KCNJ1: variants seen among roughly 807,000 people sequenced by gnomAD.
The protein encoded by KCNJ1 is ATP-sensitive inward rectifier potassium channel 1.
Under a neutral mutation model 21.9 loss-of-function variants are expected in KCNJ1, and 24 were observed. That is an observed-to-expected ratio of 1.10 (90% CI 0.79 to 1.54). KCNJ1 has a LOEUF of 1.54. Among genes scored for constraint, KCNJ1 ranks in the 40% most tolerant of loss-of-function variants. KCNJ1 has a pLI of 0.00. For missense variants in KCNJ1, 457 were observed against 455.4 expected (o/e 1.00, Z -0.03); for synonymous variants, 152 against 160.9 (o/e 0.94, Z 0.42).
intron 1 of KCNJ1, among the ~76,000 whole-genome samples, chr11:128,864,191 A>G (rs1943773025): frequency 6.8e-6 from 1 of 147,704 alleles, no homozygotes; most frequent in African/African-American, 2.5e-5. Context: ...GGTTCAAGCA[A>G]TTCTCATGCC....
chr11:128,855,054 T>A (rs1188905959), intron 1 of KCNJ1, among the ~76,000 whole-genome samples: 2 of 152,208 alleles, frequency 1.3e-5, no homozygotes, highest in African/African-American at 4.8e-5. Flanking sequence ...CTGGGGATTT[T>A]ACAGAGCTAA....
At chr11:128,859,567 T>C (rs1178228676) in intron 1 of KCNJ1, among the ~76,000 whole-genome samples, 1 of 152,214 alleles carries the variant, frequency 6.6e-6, no homozygotes, top group African/African-American at 2.4e-5. Flanking sequence ...GATCTTAACC[T>C]GATGTCTCCA....
intron 1 of KCNJ1, among the ~76,000 whole-genome samples, chr11:128,857,542 C>A (rs1200656117): frequency 6.6e-6 from 1 of 152,254 alleles, no homozygotes; most frequent in African/African-American, 2.4e-5. Context: ...GACCTGTCAG[C>A]TGCATCCCTA....
intron 2 of KCNJ1, among the ~76,000 whole-genome samples, chr11:128,841,536 G>A (rs1335552708): frequency 6.6e-6 from 1 of 152,142 alleles, no homozygotes; most frequent in African/African-American, 2.4e-5. Flanking sequence ...GAATATCAAG[G>A]TGTGCCCACC....
intron 2 of KCNJ1, among the ~76,000 whole-genome samples, chr11:128,850,499 C>T (rs943049274): frequency 6.6e-6 from 1 of 152,208 alleles, no homozygotes; most frequent in Non-Finnish European, 1.5e-5. Flanking sequence ...GTGTAAATGA[C>T]TCAAAGTGCT....
At chr11:128,848,287 C>CAA (rs1002326097) in intron 2 of KCNJ1, among the ~76,000 whole-genome samples, 122 of 48,164 alleles carry the variant, frequency 2.5e-3, no homozygotes, top group African/African-American at 3.0e-3. Context: ...GACTCCGTCT[C>CAA]AAAAAAAAAA....
At chr11:128,861,982 T>A (rs1943717723) in intron 1 of KCNJ1, among the ~76,000 whole-genome samples, 1 of 152,046 alleles carries the variant, frequency 6.6e-6, no homozygotes, top group Non-Finnish European at 1.5e-5. Flanking sequence ...GGCTGCCTAT[T>A]CCCAGCTTCA....
intron 1 of KCNJ1, among the ~76,000 whole-genome samples, chr11:128,858,018 T>G (rs1162624382): frequency 1.3e-5 from 2 of 151,870 alleles, no homozygotes; most frequent in Non-Finnish European, 2.9e-5. Context: ...CTAAACCCTG[T>G]GCAAGAGCTT....
At chr11:128,852,129 TTA>T (rs1310920265) in intron 1 of KCNJ1, among the ~76,000 whole-genome samples, 4 of 152,234 alleles carry the variant, frequency 2.6e-5, no homozygotes, top group African/African-American at 7.2e-5. Context: ...ATGGGGGCTT[TTA>T]TATCTATCTT....
intron 2 of KCNJ1, 118 bp downstream of exon 2, chr11:128,850,603 G>A (rs61910636): frequency 2.4e-5 from 7 of 293,738 alleles, no homozygotes; most frequent in Non-Finnish European, 3.5e-5. Context: ...AACCTGCAAG[G>A]GCAAATGACT....
chr11:128,853,937 T>G (rs1356473052), intron 1 of KCNJ1, among the ~76,000 whole-genome samples: 1 of 152,230 alleles, frequency 6.6e-6, no homozygotes, highest in East Asian at 1.9e-4. Flanking sequence ...TCTGCTAGTG[T>G]GGGAGATGTC....
At position 128,839,377 on chromosome 11, in the gene KCNJ1, G is replaced by T. The variant is rs746509804; in HGVS notation, c.867C>A (p.Cys289Ter). 45 of 1,614,042 alleles carry T rather than the reference G, an allele frequency of 2.8e-5. No individual in the cohort carries two copies. The Admixed American group carries it at 5.7e-4, about 20-fold the overall frequency. The change falls in exon 3 of 3, where the codon TGC (cysteine) becomes TGA (stop). Residue 289 changes from cysteine (C) to a stop codon, truncating the protein, a stop_gained. Transcript: ENST00000392666. LOFTEE classifies it high-confidence loss of function. ...CTGGGACATAGGATGTCCGGACTTG[G>T]CAGGTAGCACTGGTGGACTCCACTG... is the stretch of plus-strand genomic sequence containing the variant. ...DGTVESTSAT[C>*]QVRTSYVPEE...
intron 1 of KCNJ1, among the ~76,000 whole-genome samples, chr11:128,857,789 C>T (rs1045712733): frequency 3.9e-4 from 60 of 152,176 alleles, no homozygotes; most frequent in Admixed American, 1.9e-3. Context: ...CAGGATGCAC[C>T]TGGGAGCATT....
chr11:128,860,752 C>T (rs1943691192), intron 1 of KCNJ1, among the ~76,000 whole-genome samples: 1 of 152,144 alleles, frequency 6.6e-6, no homozygotes, highest in Non-Finnish European at 1.5e-5. Context: ...AAAGTGGAGG[C>T]CAGGTGGCTC....
At chr11:128,846,024 G>C (rs1195451850) in intron 2 of KCNJ1, among the ~76,000 whole-genome samples, 1 of 152,216 alleles carries the variant, frequency 6.6e-6, no homozygotes, top group Non-Finnish European at 1.5e-5. Context: ...CAGCCATCCA[G>C]AGTATCACTT....
At chr11:128,841,440 A>T (rs1565523373) in intron 2 of KCNJ1, among the ~76,000 whole-genome samples, 1 of 152,168 alleles carries the variant, frequency 6.6e-6, no homozygotes, top group Admixed American at 6.5e-5. Flanking sequence ...TGTACAGCAA[A>T]ATGGTGAAGG....
chr11:128,854,020 C>T (rs1943530625), intron 1 of KCNJ1, among the ~76,000 whole-genome samples: 1 of 152,232 alleles, frequency 6.6e-6, no homozygotes, highest in Non-Finnish European at 1.5e-5. Flanking sequence ...GCAGTCCAGG[C>T]TGGCCCGTGG....
intron 2 of KCNJ1, among the ~76,000 whole-genome samples, chr11:128,843,107 G>T (rs1266843794): frequency 3.9e-5 from 6 of 152,192 alleles, no homozygotes; most frequent in African/African-American, 1.4e-4. Context: ...TGATTTATTT[G>T]TTCAGAGTGA....
At chr11:128,862,422 TCTC>T (rs1243255672) in intron 1 of KCNJ1, among the ~76,000 whole-genome samples, 1 of 151,750 alleles carries the variant, frequency 6.6e-6, no homozygotes, top group Non-Finnish European at 1.5e-5. Context: ...GCTCTGGGGG[TCTC>T]CTGACTCCCC....
Sources: gnomAD v4.1 joint callset for allele counts (sites outside exome capture counted in the v4.1 genomes callset) on GRCh38, gnomAD v4.1.1 for gene constraint, MANE v1.5 for transcripts, NCBI Gene and HGNC (gene_info 2026-07-23, HGNC 2026-07-21) for gene names.